Variants in THBS3 observed in about 807,000 individuals in gnomAD.
THBS3 encodes the protein thrombospondin-3.
Under a neutral mutation model 118.3 loss-of-function variants are expected in THBS3, and 78 were observed. The ratio of observed to expected loss-of-function variants is 0.66; its 90% CI spans 0.55 to 0.80. THBS3 has a LOEUF of 0.80. THBS3 is among the 30% of genes least tolerant of loss of function. THBS3 has a pLI of 0.00. For synonymous variants in THBS3, 427 were observed against 475.3 expected, an observed-to-expected ratio of 0.90 and a Z score of 1.32; for missense variants, 1,057 against 1,247.4, an observed-to-expected ratio of 0.85 and a Z score of 2.30.
rs1313783909 is a variant in THBS3 at position 155,197,764 on chromosome 1, C to A, written c.2303-105G>T. ...CTGCTATGTATGTGGCCAGCTTGTGCCACTGCCTTCTCTCTCGCCACTTTG... is the reference window on the plus strand; with the variant it reads ...CTGCTATGTATGTGGCCAGCTTGTGACACTGCCTTCTCTCTCGCCACTTTG... On this transcript the variant is annotated intron_variant, in intron 19 of 22. Transcript: ENST00000368378. This position sits in a 1 kb window ranked among gnomAD's most constrained non-coding sequence, Gnocchi z 5.0. 4 of 1,586,866 alleles carry A rather than the reference C, an allele frequency of 2.5e-6. No individual in the cohort carries two copies. Among genetic ancestry groups the A allele is most frequent in the African/African-American group, 1.3e-5 (1 of 74,342 alleles).
Position 155,196,976 on chromosome 1 carries a change from C to T in THBS3, c.2672+65G>A. ...ACCCATGGAGAGGTCACTGGTGAATCCCAGCTAAAGAGGAAGGACAGGCCC... is the reference window on the plus strand; with the variant it reads ...ACCCATGGAGAGGTCACTGGTGAATTCCAGCTAAAGAGGAAGGACAGGCCC... On this transcript the variant is annotated intron_variant, in intron 21 of 22. Transcript: ENST00000368378. 4.6e-6 allele frequency: 7 copies of T among 1,533,626 alleles called. No homozygotes were observed. The Admixed American group carries it at 8.7e-5, about 19-fold the overall frequency.
Position 155,200,336 on chromosome 1 carries a change from C to T in THBS3, c.1708+115G>A, listed in dbSNP as rs138470651. On this transcript the variant is annotated intron_variant, in intron 14 of 22. Transcript: ENST00000368378. Reference sequence around the variant, plus strand: ...GGTAATCTCTCCTCACCCAGGCCAACGTCCACAAGCCTGCCTCCCTATTTC... The same window carrying T: ...GGTAATCTCTCCTCACCCAGGCCAATGTCCACAAGCCTGCCTCCCTATTTC... The T allele has an allele frequency of 2.4e-5, 33 of 1,375,584 alleles. No homozygotes were observed. In the East Asian group the frequency reaches 6.2e-4, roughly 26 times the overall value. 85.2% of individuals were successfully genotyped at this position (1,375,584 alleles called of 1,614,324 possible). A position where few individuals can be genotyped will look rare whatever the true frequency, so the allele number is the denominator to read the frequency against.
Position 155,205,308 on chromosome 1 carries a change from G to C in THBS3, c.295C>G (p.Arg99Gly). ...ACTTTGCCATCCTCCCGCTGGTATCGCACCAGTACTGCCCAGGAGGGGAGA... is the reference window on the plus strand; with the variant it reads ...ACTTTGCCATCCTCCCGCTGGTATCCCACCAGTACTGCCCAGGAGGGGAGA... ...VVGKINKVLV[R>G]YQREDGKVHA... Residue 99 changes from arginine to glycine, a missense_variant, in exon 3 of 23, where the codon CGA (arginine) becomes GGA (glycine). Physicochemically the swap from Arg to Gly is moderately radical, Grantham distance 125. Transcript: ENST00000368378. The C allele has an allele frequency of 6.2e-7, 1 of 1,613,714 alleles. No homozygotes were observed. Among genetic ancestry groups the C allele is most frequent in the Non-Finnish European group, 8.5e-7 (1 of 1,179,910 alleles).
rs912219066 is a variant in THBS3 at position 155,196,357 on chromosome 1, G to C, written c.2673-231C>G. On this transcript the variant is annotated intron_variant, in intron 21 of 22. Transcript: ENST00000368378. Reference sequence around the variant, plus strand: ...CCTTTTGCATCTCAAAGCACCAGCCGCATTCCAAGCGAGGATTGGGTTGCC... The same window carrying C: ...CCTTTTGCATCTCAAAGCACCAGCCCCATTCCAAGCGAGGATTGGGTTGCC... 10 of 562,204 alleles carry C rather than the reference G, an allele frequency of 1.8e-5. No homozygotes were observed. In the East Asian group the frequency reaches 2.6e-4, roughly 15 times the overall value. 34.8% of individuals were successfully genotyped at this position (562,204 alleles called of 1,614,324 possible).
At position 155,203,547 on chromosome 1, in the gene THBS3, G is replaced by T. The variant is rs1436372825; in HGVS notation, c.647-8C>A. The T allele has an allele frequency of 1.2e-6, 2 of 1,612,642 alleles. No homozygotes were observed. Among genetic ancestry groups the T allele is most frequent in the Admixed American group, 3.3e-5 (2 of 59,944 alleles). The stretch of plus-strand genomic sequence containing the variant: ...AGTGCAGTGCATTGGTCACTGGAGA[G>T]GAGAAGAAAACATAGTCAGAGGGGT... On this transcript the variant is annotated splice_polypyrimidine_tract_variant and splice_region_variant and intron_variant, in intron 4 of 22. Coordinates refer to ENST00000368378, the MANE Select transcript of THBS3 (RefSeq NM_007112.5).
intron 13 of THBS3, 87 bp downstream of exon 13, chr1:155,200,810 G>C: frequency 6.2e-7 from 1 of 1,609,684 alleles, no homozygotes; most frequent in Non-Finnish European, 8.5e-7. Flanking sequence ...GCCCTTACTA[G>C]AGAGCTGCCA....
Position 155,197,272 on chromosome 1 carries a change from C to A in THBS3, c.2500-59G>T. The A allele has an allele frequency of 6.3e-7, 1 of 1,593,072 alleles. No individual in the cohort carries two copies. The highest frequency in any genetic ancestry group is 8.6e-7 in the Non-Finnish European group (1 of 1,163,908). On this transcript the variant is annotated intron_variant, in intron 20 of 22. Coordinates refer to ENST00000368378, the MANE Select transcript of THBS3 (RefSeq NM_007112.5). The surrounding 1 kb of genome is among the most constrained non-coding windows in gnomAD (Gnocchi z 5.0). ...GCAGAACTGGAGTGAGGGGAGACAA[C>A]AGGTCGGTAAGTGCAGGTGGGAAAG...
In THBS3 at chr1:155,196,367, CG is replaced by C. The variant is rs567179745; in HGVS notation, c.2673-242del. 528 of 553,910 alleles carry C rather than the reference CG, an allele frequency of 9.5e-4. 1 individual carries two copies. Among genetic ancestry groups the C allele is most frequent in the Non-Finnish European group, 1.4e-3 (438 of 312,678 alleles). The allele number at this position is 553,910 out of a possible 1,614,324, so 34.3% of individuals were successfully genotyped here. ...CTCAAAGCACCAGCCGCATTCCAAG[CG>C]AGGATTGGGTTGCCATGACAATAAG... On this transcript the variant is annotated intron_variant, in intron 21 of 22. Coordinates refer to ENST00000368378, the MANE Select transcript of THBS3 (RefSeq NM_007112.5).
chr1:155,208,379 T>TG (rs35004262), upstream of THBS3, among the ~76,000 whole-genome samples: 16 of 152,096 alleles, frequency 1.1e-4, 1 homozygote, highest in South Asian at 8.3e-4. Flanking sequence ...TTTATTAGGG[T>TG]GGGGGGTCCC....
chr1:155,198,454 C>T lies in THBS3; in HGVS notation c.2029G>A (p.Asp677Asn), dbSNP rs1394915791. The T allele has an allele frequency of 3.7e-6, 6 of 1,614,028 alleles. No individual in the cohort carries two copies. The highest frequency in any genetic ancestry group is 1.3e-5 in the African/African-American group (1 of 74,898). Residue 677 changes from aspartate to asparagine, a missense_variant, in exon 17 of 23, where the codon GAT (aspartate) becomes AAT (asparagine). This residue lies in a region of THBS3 where 544 missense variants were observed against 715.6 expected (regional missense o/e 0.76). Coordinates refer to ENST00000368378, the MANE Select transcript of THBS3 (RefSeq NM_007112.5). ...GGATTGGGTACCAGGCGGCAGTTAT[C>T]GGGACCAGGAGGCACATAATCTGGG... ...GIPDYVPPGP[D>N]NCRLVPNPNQ...
In THBS3 at chr1:155,198,468, A is replaced by G; in HGVS notation, c.2015T>C (p.Val672Ala). ...DDDNDGIPDY[V>A]PPGPDNCRLV... The stretch of plus-strand genomic sequence containing the variant: ...GCGGCAGTTATCGGGACCAGGAGGC[A>G]CATAATCTGGGATGCCATCATTGTC... Residue 672 changes from valine to alanine, a missense_variant, in exon 17 of 23, where the codon GTG becomes GCG. Val to Ala is a moderately conservative substitution (Grantham distance 64). This residue lies in a region of THBS3 where 544 missense variants were observed against 715.6 expected (regional missense o/e 0.76). Transcript: ENST00000368378. The G allele has an allele frequency of 6.2e-7, 1 of 1,614,168 alleles. No homozygotes were observed. The highest frequency in any genetic ancestry group is 8.5e-7 in the Non-Finnish European group (1 of 1,180,016).
Position 155,197,972 on chromosome 1 carries a change from A to G in THBS3, c.2254-44T>C, listed in dbSNP as rs367757431. The G allele has an allele frequency of 3.1e-6, 5 of 1,613,990 alleles. No homozygotes were observed. The African/African-American group carries it at 4.0e-5, about 13-fold the overall frequency. Reference sequence around the variant, plus strand: ...GAAAAAGCTGTGATGCAGGTGTGCTATCCCTCCCAGGCCCCCCGTCCCAGT... The same window carrying G: ...GAAAAAGCTGTGATGCAGGTGTGCTGTCCCTCCCAGGCCCCCCGTCCCAGT... On this transcript the variant is annotated intron_variant, in intron 18 of 22. Coordinates refer to ENST00000368378, the MANE Select transcript of THBS3 (RefSeq NM_007112.5). The surrounding 1 kb of genome is among the most constrained non-coding windows in gnomAD (Gnocchi z 5.0).
chr1:155,203,583 G>A (rs185081382), intron 4 of THBS3, 44 bp from the exon 5 acceptor site: 18,189 of 1,610,330 alleles, frequency 0.011, 140 homozygotes, highest in Non-Finnish European at 0.014. Flanking sequence ...GAGGTGAAGT[G>A]AAGAGAGGCC....
rs765303469 is a variant in THBS3 at position 155,199,794 on chromosome 1, A to G, written c.1880+10T>C. Reference sequence around the variant, plus strand: ...AAGAAAGACCTTGCGTCTCTTGACCAAGACCTTACCTGTCTTCATTAGTAT... The same window carrying G: ...AAGAAAGACCTTGCGTCTCTTGACCGAGACCTTACCTGTCTTCATTAGTAT... On this transcript the variant is annotated intron_variant, in intron 16 of 22. Coordinates refer to ENST00000368378, the MANE Select transcript of THBS3 (RefSeq NM_007112.5). 1 of 1,614,088 alleles carries G rather than the reference A, an allele frequency of 6.2e-7. No individual in the cohort carries two copies. Among genetic ancestry groups the G allele is most frequent in the South Asian group, 1.1e-5 (1 of 91,076 alleles).
rs776632948 is a variant in THBS3, at chr1:155,206,259, T to C, written c.227A>G (p.Tyr76Cys). Residue 76 changes from tyrosine to cysteine, a missense_variant, in exon 2 of 23, where the codon TAT becomes TGT. This residue lies in a region of THBS3 where 206 missense variants were observed against 205.7 expected (regional missense o/e 1.00). Coordinates refer to ENST00000368378, the MANE Select transcript of THBS3 (RefSeq NM_007112.5). This position sits in a 1 kb window ranked among gnomAD's most constrained non-coding sequence, Gnocchi z 4.2. ...PKQGGVLFGL[Y>C]SRQDNTRWLE... ...CCATCGAGTGTTGTCTTGGCGAGAA[T>C]AGAGGCCAAAGAGGACACCACCCTG... The C allele has an allele frequency of 1.2e-5, 19 of 1,614,092 alleles. No homozygotes were observed. Among genetic ancestry groups the C allele is most frequent in the South Asian group, 1.1e-5 (1 of 91,074 alleles).
In THBS3 at chr1:155,200,004, A is replaced by G. The variant is rs370905688; in HGVS notation, c.1818T>C (p.Asn606=). ...DACDSCPEMS[N]PTQTDADSDL... ...TACCATCTCCCTGTACCTGGGTAGG[A>G]TTGCTCATTTCAGGGCAGCTGTCGC... The change falls in exon 15 of 23, where the codon AAT becomes AAC. Residue 606 remains asparagine (N), a synonymous_variant. Transcript: ENST00000368378. 36 of 1,599,792 alleles carry G rather than the reference A, an allele frequency of 2.3e-5. No homozygotes were observed. The highest frequency in any genetic ancestry group is 2.9e-5 in the Non-Finnish European group (34 of 1,172,146).
chr1:155,208,527 G>C (rs1670866983), upstream of THBS3, among the ~76,000 whole-genome samples: 1 of 152,184 alleles, frequency 6.6e-6, no homozygotes. Context: ...AAGAGGAAAG[G>C]GACACCAGGG....
rs945150638 is a variant in THBS3, at chr1:155,198,527, G to A, written c.1956C>T (p.Asn652=). 25 of 1,614,078 alleles carry A rather than the reference G, an allele frequency of 1.5e-5. No homozygotes were observed. Among genetic ancestry groups the A allele is most frequent in the South Asian group, 6.6e-5 (6 of 91,082 alleles). ...LPNSSQLDSD[N]DGLGDECDGD... Reference sequence around the variant, plus strand: ...CATCACACTCATCTCCAAGTCCATCGTTATCAGAGTCCAGCTGGGAGCTAT... The same window carrying A: ...CATCACACTCATCTCCAAGTCCATCATTATCAGAGTCCAGCTGGGAGCTAT... The change falls in exon 17 of 23, where the codon AAC becomes AAT. Residue 652 remains asparagine (N), a synonymous_variant. Transcript: ENST00000368378.
At position 155,196,129 on chromosome 1, in the gene THBS3, G is replaced by A; in HGVS notation, c.2673-3C>T. ...GGGGTCCCTCATAGAGCTTCACCCT[G>A]TCCAGGATTCCAGGATAGGAGTATC... is the stretch of plus-strand genomic sequence containing the variant. On this transcript the variant is annotated splice_region_variant and splice_polypyrimidine_tract_variant and intron_variant, in intron 21 of 22. Coordinates refer to ENST00000368378, the MANE Select transcript of THBS3 (RefSeq NM_007112.5). 6.2e-7 allele frequency: 1 copy of A among 1,613,986 alleles called. No homozygotes were observed. The highest frequency in any genetic ancestry group is 1.1e-5 in the South Asian group (1 of 91,088).
Sources: allele counts gnomAD v4.1 joint callset (sites outside exome capture counted in the v4.1 genomes callset), GRCh38; gene constraint gnomAD v4.1.1; regional missense constraint gnomAD v4.1.1; non-coding constraint Gnocchi (gnomAD v3.1); transcripts MANE v1.5; gene names NCBI Gene and HGNC (gene_info 2026-07-23, HGNC 2026-07-21).